Variants in PDE4B observed in about 807,000 individuals in gnomAD.
PDE4B encodes the protein 3',5'-cyclic-AMP phosphodiesterase 4B.
In PDE4B, 20 loss-of-function variants were observed where a neutral mutation model predicts 82.2. The observed-to-expected ratio is 0.24, with a 90% CI of 0.17 to 0.35. The LOEUF (loss-of-function observed/expected upper bound fraction) is 0.35. Ranked by LOEUF, PDE4B falls within the 10% of genes least tolerant of loss-of-function variation. The probability of loss-of-function intolerance (pLI) is 1.00; values close to 1 mark genes in which losing one functional copy is unlikely to be tolerated. For missense variants in PDE4B, 655 were observed against 907.2 expected, an observed-to-expected ratio of 0.72 and a Z score of 3.57; for synonymous variants, 320 against 318.9, an observed-to-expected ratio of 1.00 and a Z score of -0.04.
At chr1:65,891,121 A>T (rs1646848525) in intron 1 of PDE4B, among the ~76,000 whole-genome samples, 1 of 152,136 alleles carries the variant, frequency 6.6e-6, no homozygotes, top group South Asian at 2.1e-4. Flanking sequence ...AGTAAAACTT[A>T]TTATCATTTG....
At chr1:66,152,481 G>A in intron 3 of PDE4B, 1 of 316,548 alleles carries the variant, frequency 3.2e-6, no homozygotes, top group Non-Finnish European at 7.2e-6. Context: ...TTTTAACACA[G>A]CATTGGAAGC....
intron 4 of PDE4B, among the ~76,000 whole-genome samples, chr1:66,257,212 A>G (rs897870345): frequency 1.3e-5 from 2 of 152,224 alleles, no homozygotes; most frequent in African/African-American, 4.8e-5. Context: ...GTTCGAATCA[A>G]CAAAAGCCAG....
rs72641145 is a variant in PDE4B at position 66,236,423 on chromosome 1, A to G, written c.282-11037A>G. On this transcript the variant is annotated intron_variant, in intron 3 of 16. Transcript: ENST00000341517. ...TCACTTATCTTTTAAAGAGATTTTA[A>G]TAAGAAGAAAAAAAATGTTTATTCC... Among the ~76,000 whole-genome samples the G allele has an allele frequency of 0.011, 1,742 of 152,242 alleles. 59 individuals are homozygous for G. The East Asian group carries it at 0.12, about 10-fold the overall frequency.
At chr1:66,007,094 T>G (rs1206336559) in intron 3 of PDE4B, among the ~76,000 whole-genome samples, 1 of 152,052 alleles carries the variant, frequency 6.6e-6, no homozygotes, top group Non-Finnish European at 1.5e-5. Flanking sequence ...ATTGCATCAC[T>G]GCACTCTAGC....
At chr1:66,111,489 G>T (rs1570263479) in intron 3 of PDE4B, among the ~76,000 whole-genome samples, 1 of 152,132 alleles carries the variant, frequency 6.6e-6, no homozygotes, top group Middle Eastern at 3.4e-3. Flanking sequence ...GGCTATTCTA[G>T]ACACTGAATA....
At chr1:66,245,514 A>G (rs1653239216) in intron 3 of PDE4B, among the ~76,000 whole-genome samples, 1 of 152,188 alleles carries the variant, frequency 6.6e-6, no homozygotes, top group Admixed American at 6.5e-5. Flanking sequence ...CTCAACTACG[A>G]TAGATCTCAC....
chr1:66,318,639 A>G (rs1226221626), intron 7 of PDE4B, among the ~76,000 whole-genome samples: 3 of 152,250 alleles, frequency 2.0e-5, no homozygotes, highest in Admixed American at 2.0e-4. Context: ...ATAGAAATAT[A>G]ATAAACACTC....
intron 3 of PDE4B, among the ~76,000 whole-genome samples, chr1:66,066,616 G>A (rs995950313): frequency 2.0e-5 from 3 of 151,842 alleles, no homozygotes; most frequent in Non-Finnish European, 4.4e-5. Flanking sequence ...CCTAAAAGCT[G>A]CAGAATATAA....
In PDE4B at chr1:66,225,094, C is replaced by T. The variant is rs183333658; in HGVS notation, c.282-22366C>T. ...GAGGACTTTGCACCTGCATCTGTCT[C>T]CTCCCTCACCTTGATCATCAATTTC... On this transcript the variant is annotated intron_variant, in intron 3 of 16. Coordinates refer to ENST00000341517, the MANE Select transcript of PDE4B (RefSeq NM_002600.4). Among the ~76,000 whole-genome samples the T allele has an allele frequency of 1.7e-3, 264 of 152,250 alleles. 1 individual carries two copies. Among genetic ancestry groups the T allele is most frequent in the African/African-American group, 6.0e-3 (250 of 41,542 alleles).
At chr1:66,074,970 C>T (rs1040099905) in intron 3 of PDE4B, among the ~76,000 whole-genome samples, 23 of 151,968 alleles carry the variant, frequency 1.5e-4, no homozygotes, top group African/African-American at 4.8e-4. Flanking sequence ...TGGGTCTTAG[C>T]GCAGGAGGGT....
intron 3 of PDE4B, among the ~76,000 whole-genome samples, chr1:66,055,274 A>G (rs72667454): frequency 0.012 from 1,874 of 152,338 alleles, 22 homozygotes; most frequent in Non-Finnish European, 0.018. Flanking sequence ...TGCATTGTAA[A>G]GAGCATGTTT....
At position 66,305,280 on chromosome 1, in the gene PDE4B, C is replaced by T. The variant is rs76539053; in HGVS notation, c.635-27228C>T. 7.3e-3 allele frequency among the ~76,000 whole-genome samples: 1,111 copies of T among 152,156 alleles called. 39 individuals carry two copies. The East Asian group carries it at 0.11, about 15-fold the overall frequency. ...AAAGAACTGCAGGCAGAGGGAATAGCACAGTTTTATCTTTCCCTTCTGTGA... is the reference window on the plus strand; with the variant it reads ...AAAGAACTGCAGGCAGAGGGAATAGTACAGTTTTATCTTTCCCTTCTGTGA... On this transcript the variant is annotated intron_variant, in intron 7 of 16. Transcript: ENST00000341517.
intron 3 of PDE4B, among the ~76,000 whole-genome samples, chr1:66,100,210 C>T (rs937758633): frequency 2.6e-5 from 4 of 152,108 alleles, no homozygotes; most frequent in South Asian, 2.1e-4. Context: ...CGCACCACCA[C>T]GCTGACTAGT....
At chr1:65,993,273 G>T in intron 3 of PDE4B, 1 of 649,118 alleles carries the variant, frequency 1.5e-6, no homozygotes, top group Non-Finnish European at 2.6e-6. Context: ...AATGAATGGA[G>T]ACCAGGTCAG....
At chr1:65,994,870 G>C (rs1320690977) in intron 3 of PDE4B, among the ~76,000 whole-genome samples, 1 of 151,956 alleles carries the variant, frequency 6.6e-6, no homozygotes, top group Non-Finnish European at 1.5e-5. Flanking sequence ...GATTTTTGAT[G>C]TGCTAAGAAC....
intron 3 of PDE4B, among the ~76,000 whole-genome samples, chr1:66,109,410 G>A (rs910697412): frequency 1.3e-5 from 2 of 151,714 alleles, no homozygotes; most frequent in African/African-American, 4.8e-5. Context: ...GGGGAATGAA[G>A]GAGCAGTAAG....
chr1:66,105,075 C>G (rs1163129942), intron 3 of PDE4B, among the ~76,000 whole-genome samples: 1 of 152,096 alleles, frequency 6.6e-6, no homozygotes, highest in African/African-American at 2.4e-5. Flanking sequence ...GGTTTTAGGT[C>G]TAACGTTTAT....
chr1:66,163,327 C>A (rs1188034855), intron 3 of PDE4B, among the ~76,000 whole-genome samples: 1 of 152,118 alleles, frequency 6.6e-6, no homozygotes, highest in Non-Finnish European at 1.5e-5. Context: ...AGTCTCTTAT[C>A]TATTAAATGA....
At chr1:66,362,936 A>G (rs888822745) in intron 10 of PDE4B, among the ~76,000 whole-genome samples, 1 of 152,206 alleles carries the variant, frequency 6.6e-6, no homozygotes, top group African/African-American at 2.4e-5. Flanking sequence ...CTAAATTTAT[A>G]AATAGATACT....
Sources: gnomAD v4.1 joint callset for allele counts (sites outside exome capture counted in the v4.1 genomes callset) on GRCh38, gnomAD v4.1.1 for gene constraint, MANE v1.5 for transcripts, NCBI Gene and HGNC (gene_info 2026-07-23, HGNC 2026-07-21) for gene names.